Variants in AZIN1 observed in about 807,000 individuals in gnomAD.
The protein encoded by AZIN1 is ornithine decarboxylase antizyme inhibitor.
Under a neutral mutation model 47.4 loss-of-function variants are expected in AZIN1, and 12 were observed. The observed-to-expected ratio is 0.25, with a 90% CI of 0.16 to 0.41. The LOEUF (loss-of-function observed/expected upper bound fraction) is 0.41, where lower values mean the gene tolerates loss of function less well. Among genes scored for constraint, AZIN1 ranks in the 10% least tolerant of loss-of-function variants. The probability of loss-of-function intolerance (pLI) is 1.00; values close to 1 mark genes in which losing one functional copy is unlikely to be tolerated. For missense variants in AZIN1, 410 were observed against 532.4 expected, an observed-to-expected ratio of 0.77 and a Z score of 2.26; for synonymous variants, 155 against 176.3, an observed-to-expected ratio of 0.88 and a Z score of 0.96.
At chr8:102,828,879 A>G (rs909876211) in intron 11 of AZIN1, among the ~76,000 whole-genome samples, 2 of 152,242 alleles carry the variant, frequency 1.3e-5, no homozygotes, top group African/African-American at 4.8e-5. Context: ...CCGTAAAATT[A>G]CAGTGAAGTT....
In AZIN1 at chr8:102,841,983, C is replaced by T. The variant is rs1252525954; in HGVS notation, c.102+1568G>A. Among the ~76,000 whole-genome samples the T allele has an allele frequency of 4.6e-5, 7 of 151,836 alleles. No individual in the cohort carries two copies. The East Asian group carries it at 1.4e-3, about 29-fold the overall frequency. On this transcript the variant is annotated intron_variant, in intron 3 of 11. Transcript: ENST00000337198. The stretch of plus-strand genomic sequence containing the variant: ...AAAATCAGCTGGGCCTGGTGCTGGG[C>T]GCCTGTAATCCCAGCTACTTGGGAG...
At chr8:102,859,306 C>G (rs1813481796) in intron 1 of AZIN1, 1 of 152,174 alleles carries the variant, frequency 6.6e-6, no homozygotes, top group African/African-American at 2.4e-5. Context: ...AAAGTTGAGT[C>G]ATGCTGGGGA....
intron 2 of AZIN1, among the ~76,000 whole-genome samples, chr8:102,857,580 ATATT>A (rs1813373393): frequency 6.6e-6 from 1 of 151,490 alleles, no homozygotes; most frequent in Non-Finnish European, 1.5e-5. Context: ...TACCATATAC[ATATT>A]TAGATACATA....
rs1563525698 is a variant in AZIN1, at chr8:102,828,414, T to A, written c.*153A>T. 1 of 503,960 alleles carries A rather than the reference T, an allele frequency of 2.0e-6. No homozygotes were observed. The highest frequency in any genetic ancestry group is 2.0e-5 in the African/African-American group (1 of 51,152). 31.2% of individuals were successfully genotyped at this position (503,960 alleles called of 1,614,324 possible). ...TCCCCAATGAATTATAGATGAAAGCTGATTTTGTCTGGTCCCAAATAGCTA... is the reference window on the plus strand; with the variant it reads ...TCCCCAATGAATTATAGATGAAAGCAGATTTTGTCTGGTCCCAAATAGCTA... On this transcript the variant is annotated 3_prime_UTR_variant, in exon 12 of 12. Transcript: ENST00000337198.
intron 1 of AZIN1, among the ~76,000 whole-genome samples, chr8:102,860,751 G>A (rs1395407800): frequency 6.6e-6 from 1 of 152,098 alleles, no homozygotes; most frequent in African/African-American, 2.4e-5. Context: ...TTATCAGTAC[G>A]TCTCTGAAAA....
At chr8:102,829,159 G>T in intron 11 of AZIN1, 113 bp downstream of exon 11, 1 of 888,936 alleles carries the variant, frequency 1.1e-6, no homozygotes, top group Non-Finnish European at 1.7e-6. Context: ...CACTGTATAG[G>T]CAATACATGA....
intron 6 of AZIN1, 149 bp downstream of exon 6, chr8:102,836,107 C>T (rs561306386): frequency 4.8e-6 from 4 of 833,454 alleles, no homozygotes; most frequent in South Asian, 3.7e-5. Flanking sequence ...TTTGCCTAAA[C>T]TAAGAAGAAA....
rs780508826 is a variant in AZIN1, at chr8:102,833,188, T to C, written c.772A>G (p.Ile258Val). The change falls in exon 9 of 12, where the codon ATC (isoleucine) becomes GTC (valine). Residue 258 changes from isoleucine (I) to valine (V), a missense_variant. By Grantham distance (29) the Ile-to-Val change is conservative. Coordinates refer to ENST00000337198, the MANE Select transcript of AZIN1 (RefSeq NM_148174.4). ...ACACCAGATCCTTCAGGAAAGTAGA[T>C]ATCCAACAGAGGGCTGATAACATGA... Reference protein sequence around the residue: ...VNHVISPLLDIYFPEGSGVKI... With the variant: ...VNHVISPLLDVYFPEGSGVKI... 1.9e-6 allele frequency: 3 copies of C among 1,613,762 alleles called. No individual in the cohort carries two copies. Among genetic ancestry groups the C allele is most frequent in the Non-Finnish European group, 2.5e-6 (3 of 1,179,808 alleles).
chr8:102,856,198 TG>T (rs1416332118), intron 2 of AZIN1: 1 of 151,952 alleles, frequency 6.6e-6, no homozygotes, highest in East Asian at 1.9e-4. Context: ...AAAGGGATTG[TG>T]GACCTGTAGC....
chr8:102,843,590 A>G lies in AZIN1; in HGVS notation c.63T>C (p.Leu21=), dbSNP rs774559657. 2.5e-6 allele frequency: 4 copies of G among 1,613,964 alleles called. No homozygotes were observed. Among genetic ancestry groups the G allele is most frequent in the African/African-American group, 2.7e-5 (2 of 74,912 alleles). ...SVGLLDEGTN[L]GNVIDNYVYE... Reference sequence around the variant, plus strand: ...AAACATAGTTATCAATAACATTTCCAAGGTTTGTTCCTTCATCCAACAGGC... The same window carrying G: ...AAACATAGTTATCAATAACATTTCCGAGGTTTGTTCCTTCATCCAACAGGC... Residue 21 remains leucine (L), a synonymous_variant, in exon 3 of 12, where the codon CTT becomes CTC. Transcript: ENST00000337198.
intron 1 of AZIN1, among the ~76,000 whole-genome samples, chr8:102,863,245 T>C (rs1813853296): frequency 6.6e-6 from 1 of 151,908 alleles, no homozygotes; most frequent in East Asian, 2.0e-4. Flanking sequence ...GGAATCCGAC[T>C]TCCTCCGCAG....
chr8:102,847,362 A>G (rs1179174718), intron 2 of AZIN1, among the ~76,000 whole-genome samples: 1 of 146,390 alleles, frequency 6.8e-6, no homozygotes, highest in East Asian at 3.1e-4. Context: ...AAAAAAAAAA[A>G]AAAAAAACAA....
In AZIN1 at chr8:102,826,485, TAAC is replaced by T. The variant is rs1436911667; in HGVS notation, c.*2079_*2081del. 4 of 152,666 alleles carry T rather than the reference TAAC, an allele frequency of 2.6e-5. No individual in the cohort carries two copies. Among genetic ancestry groups the T allele is most frequent in the Non-Finnish European group, 5.9e-5 (4 of 68,040 alleles). The allele number at this position is 152,666 out of a possible 1,614,324, so 9.5% of individuals were successfully genotyped here. A position where few individuals can be genotyped will look rare whatever the true frequency, so the allele number is the denominator to read the frequency against. On this transcript the variant is annotated 3_prime_UTR_variant, in exon 12 of 12. Coordinates refer to ENST00000337198, the MANE Select transcript of AZIN1 (RefSeq NM_148174.4). Reference sequence around the variant, plus strand: ...CTTTTGAACTGAGATTACAATATTATAACAAAAAACTTTACATTAATTCAGAAC... The same window carrying T: ...CTTTTGAACTGAGATTACAATATTATAAAAAACTTTACATTAATTCAGAAC...
chr8:102,833,063 G>A lies in AZIN1; in HGVS notation c.897C>T (p.Pro299=), dbSNP rs779753192. 1.9e-6 allele frequency: 3 copies of A among 1,609,042 alleles called. No homozygotes were observed. The highest frequency in any genetic ancestry group is 1.7e-5 in the Admixed American group (1 of 59,822). ...ATAAACTTTATAACTTACCTCCAGAGGGAAATTTATCATTTTCAACAACTT... is the reference window on the plus strand; with the variant it reads ...ATAAACTTTATAACTTACCTCCAGAAGGAAATTTATCATTTTCAACAACTT... The part of the protein sequence containing the change: ...AKKVVENDKF[P]SGVEKTGSDE... The change falls in exon 9 of 12, where the codon CCC becomes CCT. Residue 299 remains proline, a synonymous_variant. Transcript: ENST00000337198.
chr8:102,840,884 T>C (rs146150656), intron 3 of AZIN1, among the ~76,000 whole-genome samples: 3 of 152,370 alleles, frequency 2.0e-5, no homozygotes, highest in South Asian at 2.1e-4. Context: ...TTAACAGTTG[T>C]ATTAAGTTAT....
In AZIN1 at chr8:102,829,483, A is replaced by G. The variant is rs1811300380; in HGVS notation, c.1024T>C (p.Tyr342His). The change falls in exon 11 of 12, where the codon TAC (tyrosine) becomes CAC (histidine). Residue 342 changes from tyrosine to histidine, a missense_variant. By Grantham distance (83) the Tyr-to-His change is moderately conservative. Around this residue, in one of 3 missense-constraint regions of AZIN1, gnomAD observed 168 missense variants for 198.3 expected, o/e 0.85. Coordinates refer to ENST00000337198, the MANE Select transcript of AZIN1 (RefSeq NM_148174.4). Reference protein sequence around the residue: ...LNTIPEVHKKYKEDEPLFTSS... With the variant: ...LNTIPEVHKKHKEDEPLFTSS... ...GTAAACAGAGGCTCATCTTCCTTGT[A>G]TTTCTGTAGGAAAAGTTTTACAATT... 5 of 1,596,328 alleles carry G rather than the reference A, an allele frequency of 3.1e-6. No homozygotes were observed. In the South Asian group the frequency reaches 3.4e-5, roughly 11 times the overall value.
chr8:102,855,714 C>T (rs912221321), intron 2 of AZIN1: 1 of 152,142 alleles, frequency 6.6e-6, no homozygotes, highest in Admixed American at 6.5e-5. Flanking sequence ...TGTTTTAACT[C>T]CTTTTAATGG....
chr8:102,832,978 T>C (rs1373505026), intron 9 of AZIN1, 78 bp downstream of exon 9: 2 of 1,322,558 alleles, frequency 1.5e-6, no homozygotes, highest in Admixed American at 3.9e-5. Context: ...CACCTACAAC[T>C]TCATGACCAT....
chr8:102,839,249 C>T (rs1186214351), intron 4 of AZIN1, among the ~76,000 whole-genome samples: 4 of 152,158 alleles, frequency 2.6e-5, no homozygotes, highest in South Asian at 2.1e-4. Context: ...ACTCCTGGCT[C>T]AAGCAACTCT....
Sources: allele counts gnomAD v4.1 joint callset (sites outside exome capture counted in the v4.1 genomes callset), GRCh38; gene constraint gnomAD v4.1.1; regional missense constraint gnomAD v4.1.1; transcripts MANE v1.5; gene names NCBI Gene and HGNC (gene_info 2026-07-23, HGNC 2026-07-21).